CASP6: variants seen among roughly 807,000 people sequenced by gnomAD.
CASP6 encodes the protein caspase-6.
A neutral mutation model predicts 31.8 loss-of-function variants in CASP6; 20 were observed. The observed-to-expected ratio is 0.63, with a 90% CI of 0.44 to 0.91. The LOEUF (loss-of-function observed/expected upper bound fraction) is 0.91, where lower values mean the gene tolerates loss of function less well. Ranked by LOEUF, CASP6 falls within the 40% of genes least tolerant of loss-of-function variation. The pLI is 0.00. For missense variants in CASP6, 328 were observed against 361.1 expected (o/e 0.91, Z 0.74); for synonymous variants, 130 against 127.8 (o/e 1.02, Z -0.12).
At chr4:109,688,371 A>G (rs1395586400), downstream of CASP6, 1 of 152,258 alleles carries the variant, frequency 6.6e-6, no homozygotes, top group African/African-American at 2.4e-5. Flanking sequence ...GGAACTTAAC[A>G]TGGAAGATGC....
upstream of CASP6, among the ~76,000 whole-genome samples, chr4:109,708,373 A>G (rs993877209): frequency 1.3e-5 from 2 of 152,234 alleles, no homozygotes; most frequent in Admixed American, 1.3e-4. Context: ...CCATGTGAAG[A>G]GCTCAATGAA....
chr4:109,688,972 G>A lies in CASP6; in HGVS notation c.*358C>T, dbSNP rs1561255827. On this transcript the variant is annotated 3_prime_UTR_variant, in exon 7 of 7. Transcript: ENST00000265164. ...CCTAACGATATTTATATAAAAGGAA[G>A]AGAAAGACATTTTCTTTTTTTTGAG... 5.5e-6 allele frequency: 1 copy of A among 181,426 alleles called. No individual in the cohort carries two copies. The highest frequency in any genetic ancestry group is 2.4e-5 in the African/African-American group (1 of 42,278). The allele number at this position is 181,426 out of a possible 1,614,324, so 11.2% of individuals were successfully genotyped here.
the CASP6 span, among the ~76,000 whole-genome samples, chr4:109,674,795 A>T: frequency 6.6e-6 from 1 of 152,256 alleles, no homozygotes; most frequent in Admixed American, 6.5e-5. Context: ...TTTAAATGTC[A>T]TCTTGAAATA....
intron 5 of CASP6, among the ~76,000 whole-genome samples, chr4:109,693,928 A>T (rs1195690293): frequency 6.6e-6 from 1 of 151,894 alleles, no homozygotes; most frequent in Non-Finnish European, 1.5e-5. Context: ...TAGTAGAGAC[A>T]GGGTTTCACC....
upstream of CASP6, chr4:109,703,559 G>A (rs922720827): frequency 3.9e-5 from 34 of 864,900 alleles, no homozygotes; most frequent in African/African-American, 4.7e-4. Context: ...CGTGGATCGG[G>A]CTGGTCCTTC....
intron 1 of CASP6, among the ~76,000 whole-genome samples, chr4:109,698,976 G>A (rs1221377210): frequency 6.6e-6 from 1 of 152,228 alleles, no homozygotes; most frequent in Non-Finnish European, 1.5e-5. Context: ...GCTATGTCAT[G>A]GAAGTGTCTG....
At chr4:109,691,079 G>T (rs1312819796) in intron 5 of CASP6, 70 bp from the exon 6 acceptor site, 1 of 1,491,568 alleles carries the variant, frequency 6.7e-7, no homozygotes, top group East Asian at 2.4e-5. Flanking sequence ...TGTGTGCAGT[G>T]AATGTGTAAG....
chr4:109,692,027 A>G (rs1730073409), intron 5 of CASP6: 2 of 152,248 alleles, frequency 1.3e-5, no homozygotes, highest in South Asian at 4.1e-4. Context: ...GAATACAGCC[A>G]GCCAATAAGA....
intron 5 of CASP6, among the ~76,000 whole-genome samples, chr4:109,693,974 T>G (rs953054721): frequency 2.2e-4 from 33 of 152,210 alleles, no homozygotes; most frequent in African/African-American, 7.7e-4. Context: ...CCTCAGGTGA[T>G]CTGCCTGCCT....
At position 109,697,640 on chromosome 4, in the gene CASP6, C is replaced by T. The variant is rs1579111418; in HGVS notation, c.212G>A (p.Arg71Lys). 7 of 1,611,008 alleles carry T rather than the reference C, an allele frequency of 4.3e-6. No homozygotes were observed. The African/African-American group carries it at 5.4e-5, about 12-fold the overall frequency. ...LPERRGTCAD[R>K]DNLTRRFSDL... is the part of the protein sequence containing the mutation. The stretch of plus-strand genomic sequence containing the variant: ...CTACTACCTGCGGGTAAGATTGTCT[C>T]TATCTGCGCAGGTGCCCCGCCTTTC... Residue 71 changes from arginine to lysine, a missense_variant, in exon 3 of 7, where the codon AGA becomes AAA. By Grantham distance (26) the Arg-to-Lys change is conservative. Coordinates refer to ENST00000265164, the MANE Select transcript of CASP6 (RefSeq NM_001226.4).
the CASP6 span, among the ~76,000 whole-genome samples, chr4:109,676,412 C>G: frequency 6.6e-6 from 1 of 152,134 alleles, no homozygotes; most frequent in Non-Finnish European, 1.5e-5. Context: ...AAAGGCCAAT[C>G]TGATAAGCTC....
chr4:109,680,377 C>G, the CASP6 span, among the ~76,000 whole-genome samples: 1 of 152,158 alleles, frequency 6.6e-6, no homozygotes, highest in Admixed American at 6.5e-5. Context: ...GCTGTTCACC[C>G]TGCCCATTCT....
the CASP6 span, among the ~76,000 whole-genome samples, chr4:109,682,337 T>TTA: frequency 2.8e-4 from 43 of 151,062 alleles, no homozygotes; most frequent in African/African-American, 8.6e-4. Context: ...TTTTTTTTTT[T>TTA]ACCTTGTATA....
chr4:109,676,439 T>C, the CASP6 span, among the ~76,000 whole-genome samples: 1 of 152,268 alleles, frequency 6.6e-6, no homozygotes, highest in Admixed American at 6.5e-5. Context: ...ATGAGGAATA[T>C]CTTACTGGAA....
chr4:109,696,856 G>T (rs1730259489), intron 3 of CASP6, among the ~76,000 whole-genome samples: 1 of 149,470 alleles, frequency 6.7e-6, no homozygotes, highest in African/African-American at 2.5e-5. Context: ...CTTGATCTTG[G>T]CTCACTGCAA....
At chr4:109,706,170 T>TATATATATATATATATAC (rs1452145399), upstream of CASP6, among the ~76,000 whole-genome samples, 1 of 89,080 alleles carries the variant, frequency 1.1e-5, no homozygotes, top group Non-Finnish European at 2.0e-5. Flanking sequence ...TATATATATA[T>TATATATATATATATATAC]ACACACACAC....
chr4:109,678,129 TG>T, the CASP6 span, among the ~76,000 whole-genome samples: 1 of 152,010 alleles, frequency 6.6e-6, no homozygotes, highest in Admixed American at 6.5e-5. Flanking sequence ...AGCACGGGGT[TG>T]GGGGTAAGGT....
upstream of CASP6, among the ~76,000 whole-genome samples, chr4:109,705,993 A>ATATATAT (rs1730591123): frequency 8.8e-5 from 6 of 67,834 alleles, no homozygotes; most frequent in East Asian, 1.1e-3. Context: ...AAAAAAAAAA[A>ATATATAT]AAAAAAAAAT....
downstream of CASP6, chr4:109,687,925 C>G (rs1048929905): frequency 5.3e-5 from 10 of 189,910 alleles, no homozygotes; most frequent in Admixed American, 6.1e-4. Flanking sequence ...AATTTGGAAT[C>G]ATCCTTTTAA....
Sources: allele counts gnomAD v4.1 joint callset (sites outside exome capture counted in the v4.1 genomes callset), GRCh38; gene constraint gnomAD v4.1.1; transcripts MANE v1.5; gene names NCBI Gene and HGNC (gene_info 2026-07-23, HGNC 2026-07-21).